The following ACE variants were observed in gnomAD, a reference collection of about 807,000 sequenced individuals.
The protein encoded by ACE is angiotensin I converting enzyme, also known as angiotensin-converting enzyme.
Under a neutral mutation model 162.3 loss-of-function variants are expected in ACE, and 122 were observed. The observed-to-expected ratio is 0.75, with a 90% CI of 0.65 to 0.87. The LOEUF (loss-of-function observed/expected upper bound fraction) is 0.87. ACE is among the 40% of genes least tolerant of loss of function. The pLI is 0.00. For missense variants in ACE, 1,799 were observed against 1,735.1 expected (o/e 1.04, Z -0.65); for synonymous variants, 796 against 720.6 (o/e 1.10, Z -1.68).
In ACE at chr17:63,477,928, T is replaced by C. The variant is rs761650831; in HGVS notation, c.250-3T>C. 1 of 1,608,966 alleles carries C rather than the reference T, an allele frequency of 6.2e-7. No individual in the cohort carries two copies. ...CCCTCCCTGCCCTCCTGGTGCCCAA[T>C]AGGAGGAAGCAGCCCTGCTCAGCCA... is the stretch of plus-strand genomic sequence containing the variant. On this transcript the variant is annotated splice_region_variant and splice_polypyrimidine_tract_variant and intron_variant, in intron 1 of 24. Transcript: ENST00000290866.
At chr17:63,483,234 C>T (rs2049743199) in intron 9 of ACE, 61 bp downstream of exon 9, 1 of 1,611,212 alleles carries the variant, frequency 6.2e-7, no homozygotes, top group African/African-American at 1.3e-5. Flanking sequence ...CCTGGACAGC[C>T]AGGCGCCTCC....
intron 15 of ACE, 61 bp from the exon 16 acceptor site, chr17:63,488,587 C>G: frequency 6.4e-7 from 1 of 1,558,532 alleles, no homozygotes; most frequent in Non-Finnish European, 8.7e-7. Context: ...ATTCTCTGAG[C>G]TCCCCTTACA....
At chr17:63,482,829 A>T in intron 8 of ACE, 140 bp downstream of exon 8, 1 of 1,113,534 alleles carries the variant, frequency 9.0e-7, no homozygotes. Context: ...GGATCCTCCT[A>T]GAGCCTCACG....
At chr17:63,488,460 C>G (rs555378344) in intron 15 of ACE, 188 bp from the exon 16 acceptor site, 1 of 441,070 alleles carries the variant, frequency 2.3e-6, no homozygotes, top group South Asian at 2.9e-5. Context: ...GGCCCCAGGC[C>G]GGGGACTCTG....
rs753450698 is a variant in ACE at position 63,493,500 on chromosome 17, A to G, written c.2977A>G (p.Ile993Val). 2 of 1,613,926 alleles carry G rather than the reference A, an allele frequency of 1.2e-6. No individual in the cohort carries two copies. Among genetic ancestry groups the G allele is most frequent in the Non-Finnish European group, 8.5e-7 (1 of 1,180,030 alleles). ...GGTGGCCCACCACGAAATGGGCCAC[A>G]TCCAGTATTTCATGCAGTACAAAGA... ...LVVAHHEMGHIQYFMQYKDLP... is the reference protein window; with the variant it reads ...LVVAHHEMGHVQYFMQYKDLP... The change falls in exon 20 of 25, where the codon ATC becomes GTC. Residue 993 changes from isoleucine (I) to valine (V), a missense_variant. Physicochemically the swap from Ile to Val is conservative, Grantham distance 29. Coordinates refer to ENST00000290866, the MANE Select transcript of ACE (RefSeq NM_000789.4).
rs554300445 is a variant in ACE, at chr17:63,485,404, G to A, written c.2058+32G>A. 14 of 1,613,438 alleles carry A rather than the reference G, an allele frequency of 8.7e-6. No homozygotes were observed. In the South Asian group the frequency reaches 1.4e-4, roughly 16 times the overall value. On this transcript the variant is annotated intron_variant, in intron 13 of 24. Transcript: ENST00000290866. ...GCCACCTCCCCACCCCCAAACCTGAGCATGTGCATACACACAGAGATGCTG... is the reference window on the plus strand; with the variant it reads ...GCCACCTCCCCACCCCCAAACCTGAACATGTGCATACACACAGAGATGCTG...
rs1568050031 is a variant in ACE, at chr17:63,497,492, CCCCCT to C, written c.*135_*139del. 4.5e-6 allele frequency: 4 copies of C among 891,006 alleles called. No homozygotes were observed. The highest frequency in any genetic ancestry group is 7.2e-6 in the Non-Finnish European group (4 of 558,568). 55.2% of individuals were successfully genotyped at this position (891,006 alleles called of 1,614,324 possible). A position where few individuals can be genotyped will look rare whatever the true frequency, so the allele number is the denominator to read the frequency against. On this transcript the variant is annotated 3_prime_UTR_variant, in exon 25 of 25. Transcript: ENST00000290866. Reference sequence around the variant, plus strand: ...CCTGCTCCTCCTGCCCTGTCCCTGTCCCCCTCCCCTCCCAGTCCTCCAGACCACCA... The same window carrying C: ...CCTGCTCCTCCTGCCCTGTCCCTGTCCCCCTCCCAGTCCTCCAGACCACCA...
chr17:63,485,250 G>C lies in ACE; in HGVS notation c.1936G>C (p.Glu646Gln). 1 of 1,614,128 alleles carries C rather than the reference G, an allele frequency of 6.2e-7. No homozygotes were observed. Among genetic ancestry groups the C allele is most frequent in the Middle Eastern group, 1.6e-4 (1 of 6,062 alleles). The stretch of plus-strand genomic sequence containing the variant: ...CTGTCCCACAGACCTGGTGACTGAT[G>C]AGGCTGAGGCCAGCAAGTTTGTGGA... The part of the protein sequence containing the change: ...YPEGIDLVTD[E>Q]AEASKFVEEY... Residue 646 changes from glutamate (E) to glutamine (Q), a missense_variant, in exon 13 of 25, where the codon GAG (glutamate) becomes CAG (glutamine). By Grantham distance (29) the Glu-to-Gln change is conservative. Coordinates refer to ENST00000290866, the MANE Select transcript of ACE (RefSeq NM_000789.4).
rs2049677386 is a variant in ACE at position 63,479,838 on chromosome 17, A to G, written c.581A>G (p.Asn194Ser). ...MLLFAWEGWHNAAGIPLKPLY... is the reference protein window; with the variant it reads ...MLLFAWEGWHSAAGIPLKPLY... ...CTGTTTGCCTGGGAGGGCTGGCACA[A>G]CGCTGCGGGCATCCCGCTGAAACCG... Residue 194 changes from asparagine (N) to serine (S), a missense_variant, in exon 4 of 25, where the codon AAC (asparagine) becomes AGC (serine). Asn to Ser is a conservative substitution (Grantham distance 46, BLOSUM62 1). Transcript: ENST00000290866. 1 of 1,613,296 alleles carries G rather than the reference A, an allele frequency of 6.2e-7. No individual in the cohort carries two copies. The highest frequency in any genetic ancestry group is 8.5e-7 in the Non-Finnish European group (1 of 1,180,032).
intron 1 of ACE, 116 bp downstream of exon 1, chr17:63,477,459 C>A: frequency 2.4e-6 from 2 of 834,668 alleles, no homozygotes; most frequent in Non-Finnish European, 3.0e-6. Flanking sequence ...ACCCCGACCC[C>A]GGACCCTCGC....
At chr17:63,487,109 G>A (rs778008713) in intron 15 of ACE, 36 bp downstream of exon 15, 120 of 1,586,732 alleles carry the variant, frequency 7.6e-5, no homozygotes, top group Non-Finnish European at 9.6e-5. Flanking sequence ...GAGAGGCGAG[G>A]GCTGGGACTG....
intron 13 of ACE, 145 bp downstream of exon 13, chr17:63,485,517 A>C: frequency 8.4e-7 from 1 of 1,185,126 alleles, no homozygotes; most frequent in Non-Finnish European, 1.2e-6. Flanking sequence ...GCGGTGGCTC[A>C]CGCCTGTAAT....
In ACE at chr17:63,483,021, C is replaced by T; in HGVS notation, c.1343-8C>T. On this transcript the variant is annotated splice_polypyrimidine_tract_variant and splice_region_variant and intron_variant, in intron 8 of 24. Coordinates refer to ENST00000290866, the MANE Select transcript of ACE (RefSeq NM_000789.4). ...TCTTCCCTCTCCTTTCATCTCATCT[C>T]CCAACAGAAAGTGACATCAATTACT... The T allele has an allele frequency of 4.3e-6, 7 of 1,614,044 alleles. No individual in the cohort carries two copies. Among genetic ancestry groups the T allele is most frequent in the South Asian group, 1.1e-5 (1 of 91,080 alleles).
Position 63,483,185 on chromosome 17 carries a change from G to A in ACE, c.1487+12G>A. On this transcript the variant is annotated intron_variant, in intron 9 of 24. Transcript: ENST00000290866. ...TGGTGGTATCTTCGGTGAGAGGAGG[G>A]ATAGAAAAGCCTTCGCCCCAGCTAG... 6.2e-7 allele frequency: 1 copy of A among 1,613,422 alleles called. No homozygotes were observed. The highest frequency in any genetic ancestry group is 8.5e-7 in the Non-Finnish European group (1 of 1,179,994).
At chr17:63,494,212 G>C in intron 21 of ACE, 146 bp downstream of exon 21, 1 of 1,337,740 alleles carries the variant, frequency 7.5e-7, no homozygotes, top group South Asian at 1.2e-5. Flanking sequence ...TGGTGTAAGT[G>C]ATGGGGAAAA....
Position 63,491,213 on chromosome 17 carries a change from G to C in ACE, c.2744G>C (p.Trp915Ser), listed in dbSNP as rs1271898535. ...DTTEAMLKQG[W>S]TPRRMFKEAD... ...CAGAACTCCCTCTGCTTGCAGGGCT[G>C]GACGCCCAGGAGGATGTTTAAGGAG... is the stretch of plus-strand genomic sequence containing the variant. The change falls in exon 19 of 25, where the codon TGG becomes TCG. Residue 915 changes from tryptophan to serine, a missense_variant. Coordinates refer to ENST00000290866, the MANE Select transcript of ACE (RefSeq NM_000789.4). The surrounding 1 kb of genome is among the most constrained non-coding windows in gnomAD (Gnocchi z 4.4). 3 of 1,613,896 alleles carry C rather than the reference G, an allele frequency of 1.9e-6. No individual in the cohort carries two copies. Among genetic ancestry groups the C allele is most frequent in the Middle Eastern group, 1.6e-4 (1 of 6,074 alleles).
At chr17:63,489,616 A>G (rs1459251668) in intron 17 of ACE, among the ~76,000 whole-genome samples, 2 of 151,996 alleles carry the variant, frequency 1.3e-5, no homozygotes, top group Non-Finnish European at 2.9e-5. Context: ...TCAACCCTGG[A>G]CCCTCCTTTG....
intron 6 of ACE, 46 bp downstream of exon 6, chr17:63,481,234 G>GGCCCCCCC: frequency 1.6e-6 from 1 of 624,022 alleles, no homozygotes; most frequent in Admixed American, 2.0e-5. Context: ...CGGGGGTGGG[G>GGCCCCCCC]CGCAAAAAAA....
intron 14 of ACE, 105 bp from the exon 15 acceptor site, chr17:63,486,881 T>G: frequency 6.9e-7 from 1 of 1,452,962 alleles, no homozygotes; most frequent in East Asian, 2.3e-5. Context: ...GCTCCCCAGC[T>G]CCCTGGCTCC....
Sources: allele counts gnomAD v4.1 joint callset (sites outside exome capture counted in the v4.1 genomes callset), GRCh38; gene constraint gnomAD v4.1.1; non-coding constraint Gnocchi (gnomAD v3.1); transcripts MANE v1.5; gene names NCBI Gene and HGNC (gene_info 2026-07-23, HGNC 2026-07-21).